Variants in AOPEP observed in about 807,000 individuals in gnomAD.
AOPEP encodes the protein aminopeptidase O.
AOPEP carries 77 observed loss-of-function variants against 98.1 expected under a neutral mutation model. That is an observed-to-expected ratio of 0.78 (90% CI 0.65 to 0.95). The LOEUF is 0.95. Among genes scored for constraint, AOPEP ranks in the 40% least tolerant of loss-of-function variants. The pLI is 0.00. For synonymous variants in AOPEP, 346 were observed against 365.3 expected (o/e 0.95, Z 0.60); for missense variants, 1,024 against 1,024.7 (o/e 1.00, Z 0.01).
chr9:94,944,164 G>T (rs745405321), intron 7 of AOPEP, among the ~76,000 whole-genome samples: 2 of 152,174 alleles, frequency 1.3e-5, no homozygotes, highest in Non-Finnish European at 2.9e-5. Flanking sequence ...TGGTAAAATG[G>T]TGCAGCTGCT....
At chr9:95,096,552 G>A in the AOPEP span, among the ~76,000 whole-genome samples, 1 of 152,214 alleles carries the variant, frequency 6.6e-6, no homozygotes, top group East Asian at 1.9e-4. Flanking sequence ...TGATCCAGGG[G>A]CAGGTGTGGT....
rs1465199768 is a variant in AOPEP, at chr9:94,984,811, G to A, written c.1977+5384G>A. 2.6e-5 allele frequency among the ~76,000 whole-genome samples: 4 copies of A among 152,222 alleles called. No homozygotes were observed. The East Asian group carries it at 7.7e-4, about 29-fold the overall frequency. On this transcript the variant is annotated intron_variant, in intron 11 of 16. Coordinates refer to ENST00000375315, the MANE Select transcript of AOPEP (RefSeq NM_001193329.3). ...ATGCCTTAAAGTCACCCACAGAATA[G>A]ATATGAGTGAAATCGTCTGTATTTT... is the stretch of plus-strand genomic sequence containing the variant.
At chr9:94,796,293 C>G (rs1343346678) in intron 4 of AOPEP, among the ~76,000 whole-genome samples, 2 of 152,196 alleles carry the variant, frequency 1.3e-5, no homozygotes, top group African/African-American at 4.8e-5. Flanking sequence ...TATGCTTGTC[C>G]TTCAGGAATA....
At chr9:95,111,352 G>C in the AOPEP span, 1 of 1,598,186 alleles carries the variant, frequency 6.3e-7, no homozygotes, top group Admixed American at 1.7e-5. Context: ...CCATCTGTGG[G>C]CAGAGCTCAG....
chr9:95,107,607 A>C, the AOPEP span: 3 of 415,924 alleles, frequency 7.2e-6, no homozygotes, highest in Non-Finnish European at 8.9e-6. Flanking sequence ...CTCCTTGAAG[A>C]CTCGCCTATC....
intron 1 of AOPEP, among the ~76,000 whole-genome samples, chr9:94,753,623 C>G (rs148686941): frequency 1.3e-5 from 2 of 152,214 alleles, no homozygotes; most frequent in Admixed American, 1.3e-4. Flanking sequence ...GCTGTTACAA[C>G]TGTAATTGTG....
the AOPEP span, among the ~76,000 whole-genome samples, chr9:95,096,577 A>G: frequency 6.6e-6 from 1 of 152,026 alleles, no homozygotes; most frequent in African/African-American, 2.4e-5. Flanking sequence ...CTGCCTAGAG[A>G]TGCCATGTGA....
the AOPEP span, chr9:95,110,664 C>T: frequency 9.5e-7 from 1 of 1,049,302 alleles, no homozygotes; most frequent in African/African-American, 1.7e-5. Flanking sequence ...TTTCAAACAA[C>T]AGAAAATGCC....
chr9:94,914,562 A>C (rs201047714), intron 5 of AOPEP, among the ~76,000 whole-genome samples: 1 of 68,268 alleles, frequency 1.5e-5, no homozygotes, highest in Non-Finnish European at 3.5e-5. Flanking sequence ...GTGTGTGTGT[A>C]TGTACAGGAT....
chr9:94,841,493 A>G (rs919816710), intron 5 of AOPEP, among the ~76,000 whole-genome samples: 2 of 151,946 alleles, frequency 1.3e-5, no homozygotes, highest in African/African-American at 2.4e-5. Flanking sequence ...ATTTTGATAC[A>G]TTATGTTCCG....
chr9:94,964,083 A>G (rs887772715), intron 9 of AOPEP, among the ~76,000 whole-genome samples: 1 of 152,242 alleles, frequency 6.6e-6, no homozygotes, highest in Non-Finnish European at 1.5e-5. Flanking sequence ...GATGGAACAC[A>G]GAACAGAAGA....
intron 1 of AOPEP, among the ~76,000 whole-genome samples, chr9:94,746,582 G>A (rs1834531037): frequency 6.6e-6 from 1 of 152,204 alleles, no homozygotes. Flanking sequence ...TTGCAAGCAA[G>A]TAGCAATCAA....
the AOPEP span, chr9:95,117,286 T>G: frequency 6.2e-7 from 1 of 1,603,288 alleles, no homozygotes; most frequent in Non-Finnish European, 8.5e-7. Context: ...GAAATCATTC[T>G]GATGTGGGCA....
At chr9:94,932,157 C>A in intron 7 of AOPEP, 2 of 996,054 alleles carry the variant, frequency 2.0e-6, no homozygotes, top group Non-Finnish European at 2.4e-6. Flanking sequence ...AACAAACAAA[C>A]AAAAAACCTG....
intron 13 of AOPEP, among the ~76,000 whole-genome samples, chr9:95,027,696 AG>A (rs2063953785): frequency 6.6e-6 from 1 of 152,238 alleles, no homozygotes; most frequent in South Asian, 2.1e-4. Context: ...TGCAACTAGC[AG>A]TATCTGTATG....
chr9:95,083,223 G>A (rs10821447), intron 16 of AOPEP, among the ~76,000 whole-genome samples: 101,327 of 151,958 alleles, frequency 0.67, 34,332 homozygotes, highest in Non-Finnish European at 0.72. Context: ...CCTGGTCATC[G>A]GCTGGCAGGA....
rs376404355 is a variant in AOPEP at position 94,751,353 on chromosome 9, G to A, written c.-135-8296G>A. Among the ~76,000 whole-genome samples the A allele has an allele frequency of 9.9e-5, 15 of 152,254 alleles. No homozygotes were observed. In the East Asian group the frequency reaches 1.5e-3, roughly 16 times the overall value. On this transcript the variant is annotated intron_variant, in intron 1 of 16. Transcript: ENST00000375315. The stretch of plus-strand genomic sequence containing the variant: ...GTACTCCCTTTCATTTAAGGAGAGG[G>A]CAGAATTATATTAATTAAATAATCA...
intron 5 of AOPEP, among the ~76,000 whole-genome samples, chr9:94,838,942 T>G (rs2041950689): frequency 7.6e-6 from 1 of 131,418 alleles, no homozygotes; most frequent in African/African-American, 2.8e-5. Flanking sequence ...AGATGGAATC[T>G]CACTCTGTGC....
chr9:95,042,628 T>C (rs1323972134), intron 13 of AOPEP, among the ~76,000 whole-genome samples: 1 of 152,220 alleles, frequency 6.6e-6, no homozygotes, highest in Non-Finnish European at 1.5e-5. Context: ...CCTGGCCTTG[T>C]CTAGCTTTTA....
Sources: allele counts gnomAD v4.1 joint callset (sites outside exome capture counted in the v4.1 genomes callset), GRCh38; gene constraint gnomAD v4.1.1; transcripts MANE v1.5; gene names NCBI Gene and HGNC (gene_info 2026-07-23, HGNC 2026-07-21).